CLINT1: variants seen among roughly 807,000 people sequenced by gnomAD.
The protein encoded by CLINT1 is clathrin interacting protein localized in the trans-Golgi region.
A neutral mutation model predicts 70.4 loss-of-function variants in CLINT1; 15 were observed. The ratio of observed to expected loss-of-function variants is 0.21; its 90% confidence interval spans 0.14 to 0.33. CLINT1 has a LOEUF of 0.33. CLINT1 is among the 10% of genes least tolerant of loss of function. CLINT1 has a pLI of 1.00. For missense variants in CLINT1, 615 were observed against 778.1 expected (o/e 0.79, Z 2.49); for synonymous variants, 227 against 254.7 (o/e 0.89, Z 1.04).
chr5:157,810,179 T>G (rs1200566397), intron 5 of CLINT1, among the ~76,000 whole-genome samples: 1 of 152,218 alleles, frequency 6.6e-6, no homozygotes, highest in Non-Finnish European at 1.5e-5. Flanking sequence ...ATATGTTATA[T>G]TTTATTCCTG....
At chr5:157,808,073 G>C (rs1762438820) in intron 6 of CLINT1, among the ~76,000 whole-genome samples, 2 of 152,014 alleles carry the variant, frequency 1.3e-5, no homozygotes, top group Non-Finnish European at 2.9e-5. Context: ...TTTTTATACT[G>C]AAAAAGGATG....
chr5:157,830,757 C>CTCTCT lies in CLINT1; in HGVS notation c.42-13211_42-13210insAGAGA, dbSNP rs1561662736. Among the ~76,000 whole-genome samples, 103 of 87,388 alleles carry CTCTCT rather than the reference C, an allele frequency of 1.2e-3. 1 individual carries two copies. The highest frequency in any genetic ancestry group is 1.6e-3 in the Non-Finnish European group (77 of 46,822). The allele number at this position is 87,388 out of a possible 152,430, so 57.3% of individuals were successfully genotyped here. On this transcript the variant is annotated intron_variant, in intron 1 of 11. Transcript: ENST00000411809. ...CTCTCCCTGCCCCTCCCTCTCTCTCCCTCTCTCTCTCTCTCTCTCTCTCTC... is the reference window on the plus strand; with the variant it reads ...CTCTCCCTGCCCCTCCCTCTCTCTCCTCTCTCTCTCTCTCTCTCTCTCTCTCTCTC...
Position 157,791,798 on chromosome 5 carries a change from A to G in CLINT1, c.1285T>C (p.Ser429Pro). 6.2e-7 allele frequency: 1 copy of G among 1,614,014 alleles called. No individual in the cohort carries two copies. The highest frequency in any genetic ancestry group is 8.5e-7 in the Non-Finnish European group (1 of 1,179,892). The change falls in exon 10 of 12, where the codon TCG becomes CCG. Residue 429 changes from serine to proline, a missense_variant. By Grantham distance (74) the Ser-to-Pro change is moderately conservative. Coordinates refer to ENST00000411809, the MANE Select transcript of CLINT1 (RefSeq NM_014666.4). ...NSSDLFDLMGSSQATMTSSQS... is the reference protein window; with the variant it reads ...NSSDLFDLMGPSQATMTSSQS... Reference sequence around the variant, plus strand: ...GAAGATGTCATGGTTGCCTGGGACGAGCCCATAAGATCAAACAGGTCTGAA... The same window carrying G: ...GAAGATGTCATGGTTGCCTGGGACGGGCCCATAAGATCAAACAGGTCTGAA...
intron 6 of CLINT1, 114 bp from the exon 7 acceptor site, chr5:157,806,226 T>C: frequency 9.9e-7 from 1 of 1,006,838 alleles, no homozygotes; most frequent in Non-Finnish European, 1.4e-6. Context: ...TTTCATACTT[T>C]GACTACTTGA....
Position 157,801,630 on chromosome 5 carries a change from C to T in CLINT1, c.1012+2020G>A, listed in dbSNP as rs192130242. On this transcript the variant is annotated intron_variant, in intron 8 of 11. Coordinates refer to ENST00000411809, the MANE Select transcript of CLINT1 (RefSeq NM_014666.4). ...GGCAGATCACCTGAGGTCAGGAGTTCGAGACCAGCCTGGCCAACACAGTGA... is the reference window on the plus strand; with the variant it reads ...GGCAGATCACCTGAGGTCAGGAGTTTGAGACCAGCCTGGCCAACACAGTGA... 2.9e-3 allele frequency among the ~76,000 whole-genome samples: 440 copies of T among 151,612 alleles called. 11 individuals carry two copies. The highest frequency in any genetic ancestry group is 0.026 in the Admixed American group (401 of 15,242).
intron 8 of CLINT1, among the ~76,000 whole-genome samples, chr5:157,802,573 T>C (rs1345022470): frequency 6.6e-6 from 1 of 151,716 alleles, no homozygotes; most frequent in Non-Finnish European, 1.5e-5. Flanking sequence ...GATGGAGTTT[T>C]TCACTGTTGT....
At chr5:157,799,094 T>G (rs1762142785) in intron 8 of CLINT1, among the ~76,000 whole-genome samples, 1 of 152,152 alleles carries the variant, frequency 6.6e-6, no homozygotes, top group African/African-American at 2.4e-5. Context: ...ATGGAATATG[T>G]AGAAAATGTA....
chr5:157,801,418 A>T (rs1454804136), intron 8 of CLINT1, among the ~76,000 whole-genome samples: 3 of 152,046 alleles, frequency 2.0e-5, no homozygotes, highest in Non-Finnish European at 2.9e-5. Context: ...GAGGCAGGAG[A>T]ATCGCTTGAA....
intron 2 of CLINT1, among the ~76,000 whole-genome samples, 188 bp from the exon 3 acceptor site, chr5:157,817,018 G>A (rs1415802882): frequency 1.3e-5 from 2 of 152,098 alleles, no homozygotes; most frequent in African/African-American, 4.8e-5. Flanking sequence ...TGGCACATAT[G>A]TAAGCCCCAC....
At chr5:157,815,021 ACT>A (rs1033955315) in intron 3 of CLINT1, among the ~76,000 whole-genome samples, 1 of 149,606 alleles carries the variant, frequency 6.7e-6, no homozygotes, top group African/African-American at 2.5e-5. Flanking sequence ...CGACAGAGAA[ACT>A]CTGTCTCAAA....
chr5:157,814,665 G>A (rs1762658190), intron 3 of CLINT1, among the ~76,000 whole-genome samples: 1 of 152,042 alleles, frequency 6.6e-6, no homozygotes, highest in South Asian at 2.1e-4. Flanking sequence ...GAAATTATTT[G>A]GTAATTAAAC....
intron 10 of CLINT1, 28 bp downstream of exon 10, chr5:157,791,675 C>A: frequency 6.4e-7 from 1 of 1,571,528 alleles, no homozygotes; most frequent in South Asian, 1.2e-5. Context: ...TTATAAATAA[C>A]AAATTCCAAG....
At chr5:157,833,081 T>C (rs1187009) in intron 1 of CLINT1, among the ~76,000 whole-genome samples, 1 of 152,096 alleles carries the variant, frequency 6.6e-6, no homozygotes, top group Non-Finnish European at 1.5e-5. Flanking sequence ...CCAGGCGCGG[T>C]GGCTCACTCC....
intron 1 of CLINT1, among the ~76,000 whole-genome samples, chr5:157,840,192 CAAAAAAAA>C (rs57245921): frequency 1.3e-4 from 7 of 55,332 alleles, no homozygotes; most frequent in African/African-American, 3.7e-4. Context: ...GAGACTGCCT[CAAAAAAAA>C]AAAAAAAAAA....
chr5:157,849,831 C>T lies in CLINT1; in HGVS notation c.41+9099G>A, dbSNP rs538418230. ...AAAGGATATCCTCTGTAATAAATAT[C>T]AACTTACCAAATTTAATGTATTCAT... is the stretch of plus-strand genomic sequence containing the variant. On this transcript the variant is annotated intron_variant, in intron 1 of 11. Transcript: ENST00000411809. 4.6e-5 allele frequency among the ~76,000 whole-genome samples: 7 copies of T among 152,296 alleles called. No individual in the cohort carries two copies. In the South Asian group the frequency reaches 8.3e-4, roughly 18 times the overall value.
chr5:157,795,060 T>C (rs769260970), intron 8 of CLINT1, 88 bp from the exon 9 acceptor site: 36 of 1,023,478 alleles, frequency 3.5e-5, no homozygotes, highest in Non-Finnish European at 5.1e-5. Flanking sequence ...ACACAAAAAG[T>C]ACCTAATATT....
Position 157,791,824 on chromosome 5 carries a change from G to T in CLINT1, c.1259C>A (p.Ser420Tyr), listed in dbSNP as rs757048456. The change falls in exon 10 of 12, where the codon TCT (serine) becomes TAT (tyrosine). Residue 420 changes from serine (S) to tyrosine (Y), a missense_variant. Ser to Tyr is a moderately radical substitution (Grantham distance 144). This residue lies in a region of CLINT1 where 374 missense variants were observed against 409.6 expected (regional missense o/e 0.91). Transcript: ENST00000411809. The part of the protein sequence containing the change: ...ALGPPPAASN[S>Y]SDLFDLMGSS... ...GCCCATAAGATCAAACAGGTCTGAAGAATTTGAGGCAGCAGGAGGTGGGCC... is the reference window on the plus strand; with the variant it reads ...GCCCATAAGATCAAACAGGTCTGAATAATTTGAGGCAGCAGGAGGTGGGCC... The T allele has an allele frequency of 1.4e-5, 23 of 1,613,902 alleles. No homozygotes were observed. In the African/African-American group the frequency reaches 2.9e-4, roughly 21 times the overall value.
intron 1 of CLINT1, among the ~76,000 whole-genome samples, chr5:157,821,025 C>T (rs1393745623): frequency 6.6e-6 from 1 of 152,118 alleles, no homozygotes; most frequent in Admixed American, 6.5e-5. Context: ...AATTGAGATT[C>T]CTAACTTGAA....
In CLINT1 at chr5:157,817,464, T is replaced by G; in HGVS notation, c.125A>C (p.Gln42Pro). Residue 42 changes from glutamine (Q) to proline (P), a missense_variant, in exon 2 of 12, where the codon CAA becomes CCA. Gln to Pro is a moderately conservative substitution (Grantham distance 76). Coordinates refer to ENST00000411809, the MANE Select transcript of CLINT1 (RefSeq NM_014666.4). ...TTACTTGGCAATCTCTCCCATGAGT[T>G]GCCCAGAAGGTCCCCAAGGATCATC... ...TNDDPWGPSG[Q>P]LMGEIAKATF... The G allele has an allele frequency of 6.2e-7, 1 of 1,601,612 alleles. No individual in the cohort carries two copies. The highest frequency in any genetic ancestry group is 8.5e-7 in the Non-Finnish European group (1 of 1,173,050).
Sources: allele counts gnomAD v4.1 joint callset (sites outside exome capture counted in the v4.1 genomes callset), GRCh38; gene constraint gnomAD v4.1.1; regional missense constraint gnomAD v4.1.1; transcripts MANE v1.5; gene names NCBI Gene and HGNC (gene_info 2026-07-23, HGNC 2026-07-21).